BCKDHB: variants seen among roughly 807,000 people sequenced by gnomAD.
BCKDHB encodes the protein branched chain keto acid dehydrogenase E1 subunit beta, also known as 2-oxoisovalerate dehydrogenase subunit beta, mitochondrial.
A neutral mutation model predicts 48.5 loss-of-function variants in BCKDHB; 41 were observed. The observed-to-expected ratio is 0.85, with a 90% CI of 0.66 to 1.10. BCKDHB has a LOEUF of 1.10. Among genes scored for constraint, BCKDHB ranks in the 50% least tolerant of loss-of-function variants. The pLI is 0.00. For missense variants in BCKDHB, 496 were observed against 494.2 expected, an observed-to-expected ratio of 1.00 and a Z score of -0.03; for synonymous variants, 201 against 174.8, an observed-to-expected ratio of 1.15 and a Z score of -1.18.
the BCKDHB span, among the ~76,000 whole-genome samples, chr6:80,401,335 A>G: frequency 4.0e-5 from 6 of 151,866 alleles, no homozygotes; most frequent in Non-Finnish European, 5.9e-5. Context: ...TTTCACCACC[A>G]TCAAAGCCAG....
In BCKDHB at chr6:80,188,589, G is replaced by A. The variant is rs368683715; in HGVS notation, c.743-12345G>A. On this transcript the variant is annotated intron_variant, in intron 6 of 9. Coordinates refer to ENST00000320393, the MANE Select transcript of BCKDHB (RefSeq NM_183050.4). ...GGGAGGTGGAGGTTGCAAGTGAGCCGAGATTGCACCACTGCACTCCAGCCT... is the reference window on the plus strand; with the variant it reads ...GGGAGGTGGAGGTTGCAAGTGAGCCAAGATTGCACCACTGCACTCCAGCCT... 2.6e-5 allele frequency among the ~76,000 whole-genome samples: 4 copies of A among 152,060 alleles called. No individual in the cohort carries two copies. The East Asian group carries it at 5.8e-4, about 22-fold the overall frequency.
At chr6:80,464,244 C>T in the BCKDHB span, among the ~76,000 whole-genome samples, 5 of 152,082 alleles carry the variant, frequency 3.3e-5, no homozygotes, top group Non-Finnish European at 5.9e-5. Context: ...TCTCCTGCCT[C>T]GGCCTCCTGA....
intron 1 of BCKDHB, among the ~76,000 whole-genome samples, chr6:80,122,091 C>T (rs925361868): frequency 6.6e-6 from 1 of 152,210 alleles, no homozygotes; most frequent in Non-Finnish European, 1.5e-5. Flanking sequence ...AAGGCCTTTT[C>T]TGCATCTATT....
At chr6:80,106,650 C>A, upstream of BCKDHB, 9 of 1,538,788 alleles carry the variant, frequency 5.8e-6, no homozygotes, top group Non-Finnish European at 7.9e-6. Context: ...TCCCCGCAGG[C>A]GGCGTGCGGC....
At chr6:80,265,953 A>T (rs1044668820) in intron 8 of BCKDHB, among the ~76,000 whole-genome samples, 1 of 152,112 alleles carries the variant, frequency 6.6e-6, no homozygotes. Flanking sequence ...GAGCATAAGC[A>T]TATTTACAGT....
intron 3 of BCKDHB, among the ~76,000 whole-genome samples, chr6:80,163,245 A>G (rs572786464): frequency 8.4e-4 from 127 of 150,524 alleles, no homozygotes; most frequent in Non-Finnish European, 1.5e-3. Flanking sequence ...TATAATTGTC[A>G]CTACTCATTG....
At chr6:80,168,406 A>AAGGGAGGG (rs140663956) in intron 4 of BCKDHB, among the ~76,000 whole-genome samples, 1 of 89,770 alleles carries the variant, frequency 1.1e-5, no homozygotes, top group Admixed American at 1.5e-4. Flanking sequence ...GAAAGAAGGG[A>AAGGGAGGG]AGGGAGGGAG....
At chr6:80,149,624 T>G (rs958947505) in intron 3 of BCKDHB, among the ~76,000 whole-genome samples, 2 of 151,214 alleles carry the variant, frequency 1.3e-5, no homozygotes, top group Non-Finnish European at 2.9e-5. Context: ...GTGGCACATA[T>G]ACACCATGGA....
chr6:80,355,967 G>C, the BCKDHB span: 5 of 152,320 alleles, frequency 3.3e-5, no homozygotes, highest in Admixed American at 2.6e-4. Flanking sequence ...TTCTCCTCTT[G>C]TTGAGATACA....
the BCKDHB span, among the ~76,000 whole-genome samples, chr6:80,386,063 A>G: frequency 6.6e-6 from 1 of 152,152 alleles, no homozygotes; most frequent in Admixed American, 6.6e-5. Flanking sequence ...AAGGGATCCA[A>G]AGGTTTAAGG....
At position 80,344,179 on chromosome 6, in the gene BCKDHB, G is replaced by T. The variant is rs549742293; in HGVS notation, c.*375G>T. ...ACCACCATGCCCAGCTAATTTTTGT[G>T]TTTTTATTGGAGGTGGGGTGTCACT... On this transcript the variant is annotated 3_prime_UTR_variant, in exon 10 of 10. Transcript: ENST00000320393. 3.5e-6 allele frequency: 1 copy of T among 283,250 alleles called. No homozygotes were observed. Among genetic ancestry groups the T allele is most frequent in the South Asian group, 3.6e-5 (1 of 28,134 alleles). 17.5% of individuals were successfully genotyped at this position (283,250 alleles called of 1,614,324 possible).
downstream of BCKDHB, among the ~76,000 whole-genome samples, chr6:80,346,504 T>TTCTGTGTATATTTA: frequency 6.6e-6 from 1 of 152,154 alleles, no homozygotes; most frequent in Non-Finnish European, 1.5e-5. Context: ...CAAGGTGTCG[T>TTCTGTGTATATTTA]AATGAATGTA....
intron 9 of BCKDHB, among the ~76,000 whole-genome samples, chr6:80,332,687 AT>A (rs1480833955): frequency 7.4e-6 from 1 of 134,582 alleles, no homozygotes; most frequent in Non-Finnish European, 1.6e-5. Context: ...CACTCTGATG[AT>A]TTTTTTTACC....
At chr6:80,452,060 G>A in the BCKDHB span, among the ~76,000 whole-genome samples, 80 of 152,286 alleles carry the variant, frequency 5.3e-4, no homozygotes, top group Non-Finnish European at 5.7e-4. Context: ...TGCTCCATGT[G>A]TCTTCTTCTG....
At chr6:80,375,597 C>T in the BCKDHB span, among the ~76,000 whole-genome samples, 1 of 150,718 alleles carries the variant, frequency 6.6e-6, no homozygotes, top group South Asian at 2.1e-4. Flanking sequence ...CTTACCTTTT[C>T]TCTGGTGCCT....
At chr6:80,445,663 G>A in the BCKDHB span, among the ~76,000 whole-genome samples, 1 of 152,168 alleles carries the variant, frequency 6.6e-6, no homozygotes, top group Admixed American at 6.5e-5. Context: ...ACTTGTAGCA[G>A]ATACATCTTA....
At chr6:80,460,904 C>T in the BCKDHB span, among the ~76,000 whole-genome samples, 4 of 152,124 alleles carry the variant, frequency 2.6e-5, no homozygotes, top group Non-Finnish European at 5.9e-5. Flanking sequence ...CAGAGCTGAA[C>T]TCTTCCTTGG....
intron 9 of BCKDHB, among the ~76,000 whole-genome samples, chr6:80,298,768 G>T (rs1767399143): frequency 2.0e-5 from 3 of 152,198 alleles, no homozygotes. Flanking sequence ...CTGTGGCAGG[G>T]TGGGGAAGAT....
the BCKDHB span, among the ~76,000 whole-genome samples, chr6:80,430,151 A>G: frequency 2.6e-5 from 4 of 152,168 alleles, no homozygotes. Context: ...TGTTTTGTTT[A>G]CACGATAGAT....
Sources: gnomAD v4.1 joint callset for allele counts (sites outside exome capture counted in the v4.1 genomes callset) on GRCh38, gnomAD v4.1.1 for gene constraint, MANE v1.5 for transcripts, NCBI Gene and HGNC (gene_info 2026-07-23, HGNC 2026-07-21) for gene names.